Variants in KCNMB2 observed in about 807,000 individuals in gnomAD.
KCNMB2 encodes potassium calcium-activated channel subfamily M regulatory beta subunit 2.
In KCNMB2, 9 loss-of-function variants were observed where a neutral mutation model predicts 24.5. The observed-to-expected ratio is 0.37, with a 90% CI of 0.22 to 0.64. The LOEUF is 0.64. Ranked by LOEUF, KCNMB2 falls within the 30% of genes least tolerant of loss-of-function variation. The pLI, the probability that KCNMB2 is intolerant of heterozygous loss-of-function variation, is 0.63. For missense variants in KCNMB2, 226 were observed against 284.3 expected (o/e 0.79, Z 1.47); for synonymous variants, 109 against 104.4 (o/e 1.04, Z -0.27).
rs369535302 is a variant in KCNMB2 at position 178,695,602 on chromosome 3, TC to T, written c.-67-111739del. On this transcript the variant is annotated intron_variant, in intron 1 of 4. Coordinates refer to ENST00000452583, the MANE Select transcript of KCNMB2 (RefSeq NM_181361.3). Reference sequence around the variant, plus strand: ...AGATCTCTAGGTCAGGGGTAAAAAATCCACCAGTCTCTTTGCTAAAGCATAC... The same window carrying T: ...AGATCTCTAGGTCAGGGGTAAAAAATCACCAGTCTCTTTGCTAAAGCATAC... Among the ~76,000 whole-genome samples the T allele has an allele frequency of 4.9e-3, 745 of 152,274 alleles. 4 individuals carry two copies. The highest frequency in any genetic ancestry group is 0.017 in the African/African-American group (702 of 41,558).
chr3:178,708,949 C>A (rs776409821), intron 1 of KCNMB2, among the ~76,000 whole-genome samples: 3 of 152,128 alleles, frequency 2.0e-5, no homozygotes, highest in Non-Finnish European at 2.9e-5. Flanking sequence ...ACTCTAAAGT[C>A]TCTTTCTAGC....
chr3:178,684,997 C>T (rs1426750730), intron 1 of KCNMB2, among the ~76,000 whole-genome samples: 1 of 152,178 alleles, frequency 6.6e-6, no homozygotes, highest in African/African-American at 2.4e-5. Context: ...GAAATGCATA[C>T]ATCTTTTATC....
intron 1 of KCNMB2, among the ~76,000 whole-genome samples, chr3:178,566,283 C>T (rs1442707641): frequency 6.6e-6 from 1 of 152,166 alleles, no homozygotes; most frequent in Non-Finnish European, 1.5e-5. Flanking sequence ...TTAGAATGTG[C>T]AGTTTACTAA....
chr3:178,665,267 C>T (rs1212905938), intron 1 of KCNMB2, among the ~76,000 whole-genome samples: 5 of 152,116 alleles, frequency 3.3e-5, no homozygotes, highest in African/African-American at 1.2e-4. Flanking sequence ...AGTTTATTAA[C>T]AAGAGAAGAG....
intron 1 of KCNMB2, among the ~76,000 whole-genome samples, chr3:178,637,497 G>C (rs1719571005): frequency 6.6e-6 from 1 of 152,168 alleles, no homozygotes; most frequent in African/African-American, 2.4e-5. Flanking sequence ...TTCTTCATTA[G>C]TATCTAATAA....
chr3:178,661,104 A>C (rs1044437835), intron 1 of KCNMB2, among the ~76,000 whole-genome samples: 3 of 152,176 alleles, frequency 2.0e-5, no homozygotes, highest in African/African-American at 7.2e-5. Context: ...CGTCATCTAC[A>C]TTAGGTATTT....
chr3:178,654,317 C>T (rs1720241967), intron 1 of KCNMB2, among the ~76,000 whole-genome samples: 1 of 152,050 alleles, frequency 6.6e-6, no homozygotes, highest in South Asian at 2.1e-4. Context: ...TTTATAAATA[C>T]TTTAAACTGA....
chr3:178,698,482 A>T (rs1013509107), intron 1 of KCNMB2, among the ~76,000 whole-genome samples: 1 of 152,020 alleles, frequency 6.6e-6, no homozygotes, highest in African/African-American at 2.4e-5. Flanking sequence ...TTACATTCTT[A>T]TTTTTACTGG....
At chr3:178,677,885 T>C (rs1233900138) in intron 1 of KCNMB2, among the ~76,000 whole-genome samples, 1 of 152,208 alleles carries the variant, frequency 6.6e-6, no homozygotes, top group Non-Finnish European at 1.5e-5. Flanking sequence ...GGGGTCCTAA[T>C]GCACACATAC....
intron 2 of KCNMB2, among the ~76,000 whole-genome samples, chr3:178,823,335 T>A (rs895523788): frequency 3.9e-5 from 6 of 152,106 alleles, no homozygotes; most frequent in Non-Finnish European, 7.4e-5. Flanking sequence ...TCCAGGCCTC[T>A]GGCAATGACC....
At chr3:178,842,598 A>C in intron 4 of KCNMB2, 55 bp from the exon 5 acceptor site, 3 of 1,193,214 alleles carry the variant, frequency 2.5e-6, no homozygotes, top group Non-Finnish European at 3.6e-6. Flanking sequence ...ACCCCCTCCT[A>C]GAGTCTCAAA....
chr3:178,653,865 G>T (rs1005860597), intron 1 of KCNMB2, among the ~76,000 whole-genome samples: 83 of 152,162 alleles, frequency 5.5e-4, no homozygotes, highest in Non-Finnish European at 2.2e-4. Flanking sequence ...TCATATGTGT[G>T]CTGAGTTTAT....
At chr3:178,662,579 G>T (rs1720571787) in intron 1 of KCNMB2, among the ~76,000 whole-genome samples, 1 of 152,066 alleles carries the variant, frequency 6.6e-6, no homozygotes, top group Admixed American at 6.6e-5. Context: ...AAGAGCCCAG[G>T]CTTAGAAAAC....
chr3:178,761,347 T>C (rs571647554), intron 1 of KCNMB2, among the ~76,000 whole-genome samples: 2 of 152,284 alleles, frequency 1.3e-5, no homozygotes, highest in African/African-American at 4.8e-5. Context: ...AATCCAATAT[T>C]ATTTTCTAAA....
intron 1 of KCNMB2, among the ~76,000 whole-genome samples, chr3:178,567,968 G>A (rs1716587508): frequency 6.6e-6 from 1 of 152,088 alleles, no homozygotes; most frequent in Non-Finnish European, 1.5e-5. Context: ...CTAACACAGG[G>A]TCCACCACAT....
intron 4 of KCNMB2, among the ~76,000 whole-genome samples, chr3:178,837,567 T>C (rs1292318429): frequency 6.6e-6 from 1 of 152,140 alleles, no homozygotes; most frequent in Non-Finnish European, 1.5e-5. Flanking sequence ...TGACAGCTGG[T>C]TTATATGTAT....
At chr3:178,705,791 G>A (rs1185477576) in intron 1 of KCNMB2, among the ~76,000 whole-genome samples, 5 of 152,096 alleles carry the variant, frequency 3.3e-5, no homozygotes, top group Non-Finnish European at 7.4e-5. Flanking sequence ...CAGTTAAAAG[G>A]AAATACCAAA....
intron 1 of KCNMB2, among the ~76,000 whole-genome samples, chr3:178,727,356 C>T (rs1238743141): frequency 1.3e-5 from 2 of 152,046 alleles, no homozygotes; most frequent in Admixed American, 1.3e-4. Context: ...TATTAGTGTC[C>T]TCTTTCTCCA....
chr3:178,824,017 C>G (rs1184535088), intron 2 of KCNMB2, among the ~76,000 whole-genome samples: 1 of 152,140 alleles, frequency 6.6e-6, no homozygotes, highest in Non-Finnish European at 1.5e-5. Context: ...TTCCACTGCC[C>G]TGCAATCCAA....
Sources: allele counts gnomAD v4.1 joint callset (sites outside exome capture counted in the v4.1 genomes callset), GRCh38; gene constraint gnomAD v4.1.1; transcripts MANE v1.5; gene names NCBI Gene and HGNC (gene_info 2026-07-23, HGNC 2026-07-21).